HEATR3: variants seen among roughly 807,000 people sequenced by gnomAD.
HEATR3 encodes the protein HEAT repeat-containing protein 3.
In HEATR3, 56 loss-of-function variants were observed where a neutral mutation model predicts 72.8. The ratio of observed to expected loss-of-function variants is 0.77; its 90% CI spans 0.62 to 0.96. HEATR3 has a LOEUF of 0.96. HEATR3 is among the 40% of genes least tolerant of loss of function. HEATR3 has a pLI of 0.00. For missense variants in HEATR3, 747 were observed against 831.4 expected (o/e 0.90, Z 1.25); for synonymous variants, 331 against 318.1 (o/e 1.04, Z -0.43).
intron 13 of HEATR3, 35 bp from the exon 14 acceptor site, chr16:50,102,224 T>C (rs779364776): frequency 6.3e-7 from 1 of 1,579,652 alleles, no homozygotes; most frequent in Non-Finnish European, 8.6e-7. Flanking sequence ...TGGAGACTGG[T>C]GTTAGTCATA....
At chr16:50,090,773 G>C (rs181385177) in intron 11 of HEATR3, among the ~76,000 whole-genome samples, 7 of 152,298 alleles carry the variant, frequency 4.6e-5, no homozygotes, top group Admixed American at 4.6e-4. Flanking sequence ...GAATCAGAAC[G>C]TTCTTTTTTA....
At chr16:50,086,448 T>C (rs2036990552) in intron 11 of HEATR3, 97 bp downstream of exon 11, 2 of 1,322,764 alleles carry the variant, frequency 1.5e-6, no homozygotes, top group Admixed American at 2.6e-5. Flanking sequence ...TGTCATCCAA[T>C]GTGCAGAAAC....
intron 12 of HEATR3, among the ~76,000 whole-genome samples, chr16:50,098,885 AC>A (rs2037305703): frequency 6.6e-6 from 1 of 152,142 alleles, no homozygotes; most frequent in African/African-American, 2.4e-5. Context: ...TACGGAATGT[AC>A]TTAATAGTAT....
chr16:50,081,090 C>G (rs1452807237), intron 7 of HEATR3, among the ~76,000 whole-genome samples: 1 of 152,170 alleles, frequency 6.6e-6, no homozygotes, highest in African/African-American at 2.4e-5. Context: ...TTTCTTATTA[C>G]TTTTATTTTG....
At position 50,107,098 on chromosome 16, in the gene HEATR3, A is replaced by T. The variant is rs1421061624; in HGVS notation, c.*2037A>T. 2.0e-5 allele frequency among the ~76,000 whole-genome samples: 3 copies of T among 152,190 alleles called. No individual in the cohort carries two copies. The highest frequency in any genetic ancestry group is 7.2e-5 in the African/African-American group (3 of 41,448). Reference sequence around the variant, plus strand: ...AAAGTATTAGAGTTCTCTCTGCCTCAATTATTTATAAAATATAATTATTTT... The same window carrying T: ...AAAGTATTAGAGTTCTCTCTGCCTCTATTATTTATAAAATATAATTATTTT... On this transcript the variant is annotated 3_prime_UTR_variant, in exon 15 of 15. Transcript: ENST00000299192.
intron 7 of HEATR3, among the ~76,000 whole-genome samples, chr16:50,079,753 C>T (rs901734656): frequency 2.6e-5 from 4 of 152,184 alleles, no homozygotes; most frequent in African/African-American, 9.7e-5. Context: ...ATGCCAGGCA[C>T]TGTGCTAGAC....
intron 12 of HEATR3, among the ~76,000 whole-genome samples, chr16:50,095,354 A>G (rs8047421): frequency 0.21 from 31,046 of 147,792 alleles, 3,340 homozygotes; most frequent in East Asian, 0.36. Flanking sequence ...TGATCCACCC[A>G]CCTTGGCCTC....
intron 14 of HEATR3, 37 bp from the exon 15 acceptor site, chr16:50,104,902 A>G: frequency 6.6e-7 from 1 of 1,519,338 alleles, no homozygotes; most frequent in South Asian, 1.2e-5. Context: ...AATCATATCT[A>G]CCAAGTCATA....
chr16:50,077,154 G>C (rs1437309230), intron 6 of HEATR3, among the ~76,000 whole-genome samples: 3 of 151,916 alleles, frequency 2.0e-5, no homozygotes. Context: ...GATCACAGGC[G>C]TGAGCCACCG....
chr16:50,084,458 C>T, intron 9 of HEATR3, 111 bp from the exon 10 acceptor site: 1 of 1,122,198 alleles, frequency 8.9e-7, no homozygotes. Context: ...AAAGGTCATT[C>T]TATATGAAGC....
rs1160530704 is a variant in HEATR3 at position 50,105,771 on chromosome 16, G to C, written c.*710G>C. 1 of 151,156 alleles carries C rather than the reference G, an allele frequency of 6.6e-6. No homozygotes were observed. The highest frequency in any genetic ancestry group is 6.6e-5 in the Admixed American group (1 of 15,102). 9.4% of individuals were successfully genotyped at this position (151,156 alleles called of 1,614,324 possible). On this transcript the variant is annotated 3_prime_UTR_variant, in exon 15 of 15. Coordinates refer to ENST00000299192, the MANE Select transcript of HEATR3 (RefSeq NM_182922.4). ...TTTTTCAGTAGAGACGGGTTTCACCGTGTTGGCCAGGCTGGTCTCAAATTC... is the reference window on the plus strand; with the variant it reads ...TTTTTCAGTAGAGACGGGTTTCACCCTGTTGGCCAGGCTGGTCTCAAATTC...
chr16:50,103,564 G>T (rs1250751804), intron 14 of HEATR3, among the ~76,000 whole-genome samples: 1 of 152,158 alleles, frequency 6.6e-6, no homozygotes, highest in Non-Finnish European at 1.5e-5. Context: ...TATTCAAAAT[G>T]CAGGTCCTCG....
chr16:50,086,349 C>G lies in HEATR3; in HGVS notation c.1508C>G (p.Pro503Arg). ...CTGTCACAGCTGCTTTTTTCTCAAC[C>G]AGGTATTTAGACTTTATTGCGAAAG... is the stretch of plus-strand genomic sequence containing the variant. ...QHLSQLLFSQ[P>R]DFAKHVDFLE... is the part of the protein sequence containing the mutation. The change falls in exon 11 of 15, where the codon CCA becomes CGA. Residue 503 changes from proline to arginine, a missense_variant and splice_region_variant. Transcript: ENST00000299192. The G allele has an allele frequency of 6.2e-7, 1 of 1,604,458 alleles. No individual in the cohort carries two copies. Among genetic ancestry groups the G allele is most frequent in the South Asian group, 1.1e-5 (1 of 89,362 alleles).
At position 50,095,426 on chromosome 16, in the gene HEATR3, T is replaced by TTA. The variant is rs1567444628; in HGVS notation, c.1599+633_1599+634insTA. On this transcript the variant is annotated intron_variant, in intron 12 of 14. Transcript: ENST00000299192. ...CCAGCTTTTTTTTTTTTTTTTTTTT[T>TTA]AACATTTCATTACAGACTTTGCAAG... 4.4e-5 allele frequency among the ~76,000 whole-genome samples: 5 copies of TTA among 112,408 alleles called. 1 individual carries two copies. In the South Asian group the frequency reaches 9.0e-4, roughly 20 times the overall value. The allele number at this position is 112,408 out of a possible 152,430, so 73.7% of individuals were successfully genotyped here.
Position 50,079,018 on chromosome 16 carries a change from G to A in HEATR3, c.1041G>A (p.Pro347=), listed in dbSNP as rs200208090. Residue 347 remains proline (P), a splice_region_variant and synonymous_variant, in exon 7 of 15, where the codon CCG becomes CCA. Transcript: ENST00000299192. ...AAACTTTCGTTTCAGATTTACTTCC[G>A]GTAAGTCAGGTTGCTGTTCTCAAAT... ...RRKTFVSDLL[P]PTDKELRETI... is the part of the protein sequence containing the mutation. 27 of 1,609,388 alleles carry A rather than the reference G, an allele frequency of 1.7e-5. No individual in the cohort carries two copies. Among genetic ancestry groups the A allele is most frequent in the East Asian group, 2.2e-5 (1 of 44,796 alleles).
At chr16:50,099,761 C>T (rs553562311) in intron 12 of HEATR3, among the ~76,000 whole-genome samples, 7 of 152,270 alleles carry the variant, frequency 4.6e-5, no homozygotes, top group South Asian at 2.1e-4. Flanking sequence ...GAAAATTATC[C>T]ACTACATGGT....
intron 4 of HEATR3, among the ~76,000 whole-genome samples, chr16:50,071,823 G>T (rs2036619263): frequency 6.6e-6 from 1 of 152,280 alleles, no homozygotes; most frequent in East Asian, 1.9e-4. Flanking sequence ...GTACAACATG[G>T]ATATTTCCTC....
chr16:50,071,354 A>G (rs573293254), intron 4 of HEATR3, among the ~76,000 whole-genome samples: 1 of 152,338 alleles, frequency 6.6e-6, no homozygotes, highest in East Asian at 1.9e-4. Flanking sequence ...TTTCATTTTA[A>G]TGAATGCATT....
rs1396082557 is a variant in HEATR3 at position 50,100,341 on chromosome 16, G to T, written c.1711G>T (p.Ala571Ser). The T allele has an allele frequency of 6.2e-7, 1 of 1,613,984 alleles. No individual in the cohort carries two copies. Among genetic ancestry groups the T allele is most frequent in the East Asian group, 2.2e-5 (1 of 44,888 alleles). ...SILGITGSVLAKEDGTLETLK... is the reference protein window; with the variant it reads ...SILGITGSVLSKEDGTLETLK... The stretch of plus-strand genomic sequence containing the variant: ...TTTAGGAATCACTGGCAGCGTCCTT[G>T]CCAAAGAAGATGGTACACTTGAAAC... The change falls in exon 13 of 15, where the codon GCC becomes TCC. Residue 571 changes from alanine to serine, a missense_variant. By Grantham distance (99) the Ala-to-Ser change is moderately conservative. This residue lies in a region of HEATR3 where 586 missense variants were observed against 708.8 expected (regional missense o/e 0.83). Transcript: ENST00000299192.
Sources: allele counts gnomAD v4.1 joint callset (sites outside exome capture counted in the v4.1 genomes callset), GRCh38; gene constraint gnomAD v4.1.1; regional missense constraint gnomAD v4.1.1; transcripts MANE v1.5; gene names NCBI Gene and HGNC (gene_info 2026-07-23, HGNC 2026-07-21).